MAF: variants seen among roughly 807,000 people sequenced by gnomAD.
MAF encodes the protein MAF bZIP transcription factor, also known as transcription factor Maf.
A neutral mutation model predicts 22.0 loss-of-function variants in MAF; 10 were observed. That is an observed-to-expected ratio of 0.45 (90% CI 0.28 to 0.77). The LOEUF (loss-of-function observed/expected upper bound fraction) is 0.77, where lower values mean the gene tolerates loss of function less well. Among genes scored for constraint, MAF ranks in the 30% least tolerant of loss-of-function variants. MAF has a pLI of 0.12. For missense variants in MAF, 544 were observed against 548.4 expected (o/e 0.99, Z 0.08); for synonymous variants, 337 against 255.8 (o/e 1.32, Z -3.03).
At chr16:79,220,140 C>T in the MAF span, among the ~76,000 whole-genome samples, 1 of 150,238 alleles carries the variant, frequency 6.7e-6, no homozygotes, top group Non-Finnish European at 1.5e-5. Context: ...CCTGTAGTCC[C>T]AGTTACTCGG....
the MAF span, among the ~76,000 whole-genome samples, chr16:79,423,512 T>G: frequency 1.5e-3 from 221 of 152,342 alleles, 2 homozygotes; most frequent in African/African-American, 5.1e-3. Flanking sequence ...CCCCAGGAGT[T>G]GGTGAACTAC....
At chr16:79,367,155 G>A in the MAF span, among the ~76,000 whole-genome samples, 4 of 152,128 alleles carry the variant, frequency 2.6e-5, no homozygotes, top group Non-Finnish European at 5.9e-5. Context: ...TCCGTACTTT[G>A]AATCAAGTTT....
At chr16:79,232,069 A>G in the MAF span, among the ~76,000 whole-genome samples, 1 of 151,998 alleles carries the variant, frequency 6.6e-6, no homozygotes, top group Non-Finnish European at 1.5e-5. Context: ...CTCAAGTGGT[A>G]ATGTGAGCAA....
chr16:79,396,213 C>A, the MAF span, among the ~76,000 whole-genome samples: 1 of 152,098 alleles, frequency 6.6e-6, no homozygotes, highest in African/African-American at 2.4e-5. Flanking sequence ...TGCCAGGAGG[C>A]CACACTACTG....
At chr16:79,589,512 C>G (rs1411667407), downstream of MAF, among the ~76,000 whole-genome samples, 1 of 152,170 alleles carries the variant, frequency 6.6e-6, no homozygotes, top group Non-Finnish European at 1.5e-5. Context: ...GAAAAAAAAT[C>G]TGGAAAATGG....
At chr16:79,475,354 GTA>G in the MAF span, among the ~76,000 whole-genome samples, 1 of 140,716 alleles carries the variant, frequency 7.1e-6, no homozygotes, top group African/African-American at 2.5e-5. Flanking sequence ...ATATATGTAT[GTA>G]TATATATGTG....
the MAF span, among the ~76,000 whole-genome samples, chr16:79,570,430 C>T: frequency 1.3e-5 from 2 of 152,198 alleles, no homozygotes; most frequent in Non-Finnish European, 2.9e-5. Context: ...CATCCTATCA[C>T]TTCTTCCTGG....
At chr16:79,503,599 G>A in the MAF span, among the ~76,000 whole-genome samples, 1 of 152,154 alleles carries the variant, frequency 6.6e-6, no homozygotes, top group Non-Finnish European at 1.5e-5. Context: ...TGGATTCTCT[G>A]ACTCTACTCT....
the MAF span, among the ~76,000 whole-genome samples, chr16:79,257,172 A>G: frequency 6.6e-6 from 1 of 152,098 alleles, no homozygotes; most frequent in Non-Finnish European, 1.5e-5. Context: ...GCGAAATTCC[A>G]CTTCAAAAAA....
the MAF span, among the ~76,000 whole-genome samples, chr16:79,232,929 C>G: frequency 2.7e-5 from 4 of 150,604 alleles, no homozygotes; most frequent in African/African-American, 4.9e-5. Flanking sequence ...CAAGCTCTGC[C>G]TCCCGGGTTC....
At chr16:79,557,676 T>A in the MAF span, among the ~76,000 whole-genome samples, 1 of 152,054 alleles carries the variant, frequency 6.6e-6, no homozygotes, top group Non-Finnish European at 1.5e-5. Flanking sequence ...TACCTAAACA[T>A]GATTAACCTC....
chr16:79,265,938 C>T, the MAF span, among the ~76,000 whole-genome samples: 1 of 152,228 alleles, frequency 6.6e-6, no homozygotes, highest in Non-Finnish European at 1.5e-5. Flanking sequence ...GGAGTGTCTA[C>T]AGCAGGGATA....
At chr16:79,233,341 G>T in the MAF span, among the ~76,000 whole-genome samples, 1 of 151,962 alleles carries the variant, frequency 6.6e-6, no homozygotes, top group East Asian at 1.9e-4. Context: ...CTAGAGTTCT[G>T]GAAGTAGACC....
At chr16:79,318,992 C>T in the MAF span, among the ~76,000 whole-genome samples, 3 of 152,218 alleles carry the variant, frequency 2.0e-5, no homozygotes, top group Non-Finnish European at 4.4e-5. Context: ...AATAAAATAG[C>T]ATTTCCTTTG....
the MAF span, among the ~76,000 whole-genome samples, chr16:79,320,991 G>T: frequency 3.3e-5 from 5 of 152,152 alleles, no homozygotes; most frequent in African/African-American, 1.2e-4. Flanking sequence ...TCCAAGAGGT[G>T]GGGTTAGACC....
the MAF span, among the ~76,000 whole-genome samples, chr16:79,290,142 C>CCA: frequency 6.6e-6 from 1 of 152,094 alleles, no homozygotes; most frequent in Non-Finnish European, 1.5e-5. Context: ...CAGGCCTGAG[C>CCA]CACTGTGCTC....
the MAF span, among the ~76,000 whole-genome samples, chr16:79,551,333 T>C: frequency 6.6e-6 from 1 of 152,186 alleles, no homozygotes; most frequent in Non-Finnish European, 1.5e-5. Context: ...ACAGGTTCCC[T>C]TGTAGCCATT....
the MAF span, among the ~76,000 whole-genome samples, chr16:79,564,113 C>T: frequency 6.6e-6 from 1 of 152,264 alleles, no homozygotes; most frequent in Admixed American, 6.5e-5. Flanking sequence ...CCACTGCCGC[C>T]CCTTCAGGCC....
At chr16:79,377,226 T>A in the MAF span, among the ~76,000 whole-genome samples, 3 of 152,224 alleles carry the variant, frequency 2.0e-5, no homozygotes, top group Non-Finnish European at 2.9e-5. Flanking sequence ...CTAACTGGTG[T>A]GAGATGGTAT....
Sources: gnomAD v4.1 joint callset for allele counts (sites outside exome capture counted in the v4.1 genomes callset) on GRCh38, gnomAD v4.1.1 for gene constraint, MANE v1.5 for transcripts, NCBI Gene and HGNC (gene_info 2026-07-23, HGNC 2026-07-21) for gene names.